The following RGS8 variants were observed in gnomAD, a reference collection of about 807,000 sequenced individuals.
RGS8 encodes the protein regulator of G-protein signaling 8.
Under a neutral mutation model 21.7 loss-of-function variants are expected in RGS8, and 8 were observed. The ratio of observed to expected loss-of-function variants is 0.37; its 90% CI spans 0.22 to 0.66. RGS8 has a LOEUF of 0.66. Ranked by LOEUF, RGS8 falls within the 30% of genes least tolerant of loss-of-function variation. The pLI is 0.59. For synonymous variants in RGS8, 80 were observed against 83.6 expected (o/e 0.96, Z 0.24); for missense variants, 157 against 217.9 (o/e 0.72, Z 1.76).
chr1:182,662,069 C>T (rs975913115), intron 5 of RGS8, among the ~76,000 whole-genome samples: 2 of 152,168 alleles, frequency 1.3e-5, no homozygotes, highest in East Asian at 3.8e-4. Flanking sequence ...GCTTCTTCCA[C>T]TTTGTATGGC....
chr1:182,722,900 C>A, the RGS8 span, among the ~76,000 whole-genome samples: 1 of 151,986 alleles, frequency 6.6e-6, no homozygotes, highest in Non-Finnish European at 1.5e-5. Context: ...ATGATGTGAA[C>A]CCAGGAGGCG....
chr1:182,741,861 C>T, the RGS8 span, among the ~76,000 whole-genome samples: 2 of 135,996 alleles, frequency 1.5e-5, no homozygotes, highest in Non-Finnish European at 3.2e-5. Context: ...CCGGACGGGG[C>T]GGCTGGCCGG....
upstream of RGS8, among the ~76,000 whole-genome samples, chr1:182,689,268 C>CAG (rs1664771615): frequency 1.1e-5 from 1 of 92,094 alleles, no homozygotes; most frequent in Non-Finnish European, 2.5e-5. Flanking sequence ...CACACAGACA[C>CAG]ACACACACAC....
intron 2 of RGS8, 53 bp from the exon 4 acceptor site, chr1:182,669,805 A>G: frequency 6.8e-7 from 1 of 1,480,780 alleles, no homozygotes; most frequent in Non-Finnish European, 9.0e-7. Flanking sequence ...ATCTGACTGC[A>G]CTACATTTCC....
At chr1:182,692,923 C>A in the RGS8 span, among the ~76,000 whole-genome samples, 2 of 152,144 alleles carry the variant, frequency 1.3e-5, no homozygotes, top group African/African-American at 4.8e-5. Flanking sequence ...ACTGACTAAC[C>A]ATATACAGAA....
At chr1:182,719,508 G>A in the RGS8 span, among the ~76,000 whole-genome samples, 16 of 144,154 alleles carry the variant, frequency 1.1e-4, no homozygotes, top group East Asian at 1.2e-3. Flanking sequence ...ACCCAGTGGC[G>A]CAATCTTGAC....
At chr1:182,662,917 C>G (rs1196639925) in intron 5 of RGS8, among the ~76,000 whole-genome samples, 2 of 151,652 alleles carry the variant, frequency 1.3e-5, no homozygotes, top group East Asian at 3.9e-4. Context: ...CCCAACGGAA[C>G]AGGGATGGCA....
At chr1:182,673,661 T>C (rs1398665256), upstream of RGS8, among the ~76,000 whole-genome samples, 1 of 152,158 alleles carries the variant, frequency 6.6e-6, no homozygotes, top group African/African-American at 2.4e-5. Flanking sequence ...TGTTATAAAA[T>C]AAGATGCAAA....
At chr1:182,741,304 T>A in the RGS8 span, among the ~76,000 whole-genome samples, 3 of 8,510 alleles carry the variant, frequency 3.5e-4, no homozygotes, top group South Asian at 4.0e-3. Context: ...GCTGGCCGGG[T>A]GGGGGGCTGA....
At chr1:182,747,196 GGCC>G in the RGS8 span, among the ~76,000 whole-genome samples, 1 of 150,716 alleles carries the variant, frequency 6.6e-6, no homozygotes, top group African/African-American at 2.4e-5. Context: ...CACCATTCCT[GGCC>G]CTGCATCTTC....
upstream of RGS8, among the ~76,000 whole-genome samples, chr1:182,687,830 C>G (rs182577894): frequency 3.5e-3 from 530 of 152,218 alleles, 3 homozygotes; most frequent in Non-Finnish European, 6.6e-3. Context: ...CCAACTGAAC[C>G]AATACAGAAA....
At chr1:182,666,479 A>T (rs905720349) in intron 4 of RGS8, among the ~76,000 whole-genome samples, 2 of 152,176 alleles carry the variant, frequency 1.3e-5, no homozygotes, top group Non-Finnish European at 2.9e-5. Context: ...GATATTTAAT[A>T]CAGCACCAGC....
the RGS8 span, among the ~76,000 whole-genome samples, chr1:182,726,541 A>G: frequency 6.6e-6 from 1 of 152,112 alleles, no homozygotes; most frequent in Non-Finnish European, 1.5e-5. Context: ...ATGGTGGTGC[A>G]TGCCTATAAT....
chr1:182,732,280 C>CAA, the RGS8 span, among the ~76,000 whole-genome samples: 4 of 151,002 alleles, frequency 2.6e-5, no homozygotes, highest in African/African-American at 7.3e-5. Context: ...CATACACACA[C>CAA]ACACACACAC....
chr1:182,740,558 T>TG, the RGS8 span, among the ~76,000 whole-genome samples: 2 of 143,512 alleles, frequency 1.4e-5, no homozygotes, highest in Non-Finnish European at 3.1e-5. Flanking sequence ...GTTTTTTTTT[T>TG]TTTTTTTTTT....
the RGS8 span, among the ~76,000 whole-genome samples, chr1:182,734,220 C>T: frequency 2.0e-5 from 3 of 152,084 alleles, no homozygotes; most frequent in African/African-American, 7.2e-5. Context: ...CGTGCCTGGC[C>T]CCAAGTTATT....
chr1:182,710,070 A>C, the RGS8 span, among the ~76,000 whole-genome samples: 3 of 152,162 alleles, frequency 2.0e-5, no homozygotes, highest in Non-Finnish European at 2.9e-5. Flanking sequence ...TAGGCCACAT[A>C]CCCATCCTTT....
upstream of RGS8, among the ~76,000 whole-genome samples, chr1:182,674,768 G>A (rs1664301960): frequency 6.6e-6 from 1 of 152,206 alleles, no homozygotes; most frequent in Admixed American, 6.5e-5. Flanking sequence ...GCCCAGGAAT[G>A]TAGAGCTCTG....
Position 182,646,734 on chromosome 1 carries a change from TCTAA to T in RGS8, c.540_543del (p.Ser180ArgfsTer23). ...GATTTCCAGGAGTTCCCTTCTGAGGTCTAACTGAGCCTCCTCTGGCTTTGGGACA... is the reference window on the plus strand; with the variant it reads ...GATTTCCAGGAGTTCCCTTCTGAGGTCTGAGCCTCCTCTGGCTTTGGGACA... On this transcript the variant is annotated frameshift_variant and stop_lost, in exon 7 of 7. Transcript: ENST00000483095. LOFTEE classifies it high-confidence loss of function. 6.2e-7 allele frequency: 1 copy of T among 1,610,116 alleles called. No homozygotes were observed. Among genetic ancestry groups the T allele is most frequent in the Non-Finnish European group, 8.5e-7 (1 of 1,178,820 alleles).
Sources: allele counts gnomAD v4.1 joint callset (sites outside exome capture counted in the v4.1 genomes callset), GRCh38; gene constraint gnomAD v4.1.1; transcripts MANE v1.5; gene names NCBI Gene and HGNC (gene_info 2026-07-23, HGNC 2026-07-21).